The following WNT2 variants were observed in gnomAD, a reference collection of about 807,000 sequenced individuals.
The protein encoded by WNT2 is protein Wnt-2.
A neutral mutation model predicts 36.9 loss-of-function variants in WNT2; 12 were observed. The observed-to-expected ratio is 0.33, with a 90% confidence interval of 0.21 to 0.53. The LOEUF is 0.53. Ranked by LOEUF, WNT2 falls within the 20% of genes least tolerant of loss-of-function variation. WNT2 has a pLI of 0.95. For missense variants in WNT2, 379 were observed against 473.1 expected (o/e 0.80, Z 1.84); for synonymous variants, 163 against 174.6 (o/e 0.93, Z 0.52).
chr7:117,293,563 T>G (rs1443550142), intron 4 of WNT2, among the ~76,000 whole-genome samples: 3 of 152,214 alleles, frequency 2.0e-5, no homozygotes, highest in African/African-American at 7.2e-5. Flanking sequence ...TTAATGCTGA[T>G]TTTAAAAGAG....
chr7:117,303,313 G>C (rs140746593), intron 3 of WNT2, among the ~76,000 whole-genome samples: 1 of 152,312 alleles, frequency 6.6e-6, no homozygotes, highest in South Asian at 2.1e-4. Flanking sequence ...CGGGGAAATC[G>C]TTATTCAATT....
intron 4 of WNT2, among the ~76,000 whole-genome samples, chr7:117,293,196 A>G (rs553003631): frequency 1.4e-5 from 2 of 147,728 alleles, no homozygotes; most frequent in East Asian, 4.6e-4. Context: ...GTTTCTGAAG[A>G]GCCACTTCCT....
At chr7:117,288,833 A>G (rs1794633031) in intron 4 of WNT2, among the ~76,000 whole-genome samples, 2 of 152,044 alleles carry the variant, frequency 1.3e-5, no homozygotes, top group Admixed American at 1.3e-4. Context: ...CTAAGTTTGT[A>G]TTTTAAAAAT....
Position 117,278,179 on chromosome 7 carries a change from G to A in WNT2, c.1059C>T (p.Asn353=), listed in dbSNP as rs146785086. The change falls in exon 5 of 5, where the codon AAC becomes AAT. Residue 353 remains asparagine, a synonymous_variant. Transcript: ENST00000265441. ...GTCATGTAGCGGTTGTCCAGTCAGC[G>A]TTCTTGGGGGCCTTGCATGTGTGCA... ...LDVHTCKAPK[N]ADWTTAT 78 of 1,614,222 alleles carry A rather than the reference G, an allele frequency of 4.8e-5. 1 individual carries two copies. The East Asian group carries it at 1.3e-3, about 27-fold the overall frequency.
chr7:117,309,801 G>A (rs1188599365), intron 3 of WNT2, among the ~76,000 whole-genome samples: 2 of 152,110 alleles, frequency 1.3e-5, no homozygotes, highest in East Asian at 3.9e-4. Flanking sequence ...TAACTATCAT[G>A]TTGAAAATGT....
intron 4 of WNT2, among the ~76,000 whole-genome samples, chr7:117,283,853 T>C (rs1413671135): frequency 2.0e-5 from 3 of 152,158 alleles, no homozygotes; most frequent in Non-Finnish European, 2.9e-5. Context: ...CCAAACGGCA[T>C]AATGAGGGCC....
intron 2 of WNT2, among the ~76,000 whole-genome samples, chr7:117,318,147 A>G (rs573105732): frequency 7.5e-4 from 114 of 152,294 alleles, no homozygotes; most frequent in Non-Finnish European, 6.8e-4. Flanking sequence ...CATTTTGGTA[A>G]TTTTATGTTC....
intron 3 of WNT2, among the ~76,000 whole-genome samples, chr7:117,314,348 G>A (rs1024385416): frequency 5.9e-5 from 9 of 152,210 alleles, no homozygotes; most frequent in African/African-American, 1.2e-4. Flanking sequence ...CCTGGACTAC[G>A]TGTTGAAACC....
In WNT2 at chr7:117,322,895, G is replaced by T; in HGVS notation, c.83+12C>A. ...TCTCCAAAATCCCCCGCGCCCGTGC[G>T]CGTGGACTTACCACCATGAAGAGTT... On this transcript the variant is annotated intron_variant, in intron 1 of 4. Transcript: ENST00000265441. The surrounding 1 kb of genome is among the most constrained non-coding windows in gnomAD (Gnocchi z 5.4). 4 of 1,613,174 alleles carry T rather than the reference G, an allele frequency of 2.5e-6. No individual in the cohort carries two copies. Among genetic ancestry groups the T allele is most frequent in the South Asian group, 1.1e-5 (1 of 91,066 alleles).
chr7:117,277,292 T>G lies in WNT2; in HGVS notation c.*863A>C, dbSNP rs1286720510. On this transcript the variant is annotated 3_prime_UTR_variant, in exon 5 of 5. Transcript: ENST00000265441. The stretch of plus-strand genomic sequence containing the variant: ...GTACAGATATACTTCTGATATTCCA[T>G]CCACTAAATTATTTTCCACCATATT... 1.3e-5 allele frequency: 2 copies of G among 152,234 alleles called. No homozygotes were observed. Among genetic ancestry groups the G allele is most frequent in the Non-Finnish European group, 2.9e-5 (2 of 68,040 alleles). The allele number at this position is 152,234 out of a possible 1,614,324, so 9.4% of individuals were successfully genotyped here.
In WNT2 at chr7:117,276,281, C is replaced by A. The variant is rs1010395598; in HGVS notation, c.*1874G>T. On this transcript the variant is annotated 3_prime_UTR_variant, in exon 5 of 5. Transcript: ENST00000265441. ...AGGAAGGGCTGATGGCTGTGGGACC[C>A]CCATGAAAGTGCCTTCGCACTCTCA... Among the ~76,000 whole-genome samples, 1 of 152,216 alleles carries A rather than the reference C, an allele frequency of 6.6e-6. No homozygotes were observed. Among genetic ancestry groups the A allele is most frequent in the Non-Finnish European group, 1.5e-5 (1 of 68,040 alleles).
intron 3 of WNT2, among the ~76,000 whole-genome samples, chr7:117,308,036 A>G (rs781523365): frequency 1.5e-4 from 23 of 152,214 alleles, no homozygotes; most frequent in Non-Finnish European, 2.8e-4. Flanking sequence ...CATTAAAAAC[A>G]TATTATTTAA....
intron 3 of WNT2, among the ~76,000 whole-genome samples, chr7:117,298,657 G>A (rs1200406812): frequency 6.6e-6 from 1 of 152,172 alleles, no homozygotes; most frequent in Non-Finnish European, 1.5e-5. Flanking sequence ...GAGGAGAGGG[G>A]ACAGGTGGGC....
chr7:117,278,959 AG>A (rs1184249923), intron 4 of WNT2, among the ~76,000 whole-genome samples: 3 of 152,330 alleles, frequency 2.0e-5, no homozygotes, highest in Admixed American at 1.3e-4. Context: ...ACCCTGAGGA[AG>A]GAGAAAGGCC....
chr7:117,290,845 T>G (rs1794677046), intron 4 of WNT2, among the ~76,000 whole-genome samples: 1 of 152,210 alleles, frequency 6.6e-6, no homozygotes, highest in African/African-American at 2.4e-5. Flanking sequence ...TAAGAGTGTC[T>G]GGCACATAGG....
intron 4 of WNT2, among the ~76,000 whole-genome samples, chr7:117,295,427 C>T (rs1020982971): frequency 1.1e-4 from 16 of 152,014 alleles, no homozygotes; most frequent in African/African-American, 3.1e-4. Context: ...AAGCGGAGTA[C>T]GCAAGAATAA....
At chr7:117,315,005 A>C in intron 3 of WNT2, 66 bp downstream of exon 3, 4 of 1,563,460 alleles carry the variant, frequency 2.6e-6, no homozygotes, top group Non-Finnish European at 3.5e-6. Context: ...AGTTTAAGAT[A>C]AGCTCTGCCT....
At chr7:117,308,834 T>C (rs1162662927) in intron 3 of WNT2, among the ~76,000 whole-genome samples, 2 of 152,082 alleles carry the variant, frequency 1.3e-5, no homozygotes, top group African/African-American at 4.8e-5. Flanking sequence ...TTCTCTTAGG[T>C]CAGACCCATT....
intron 4 of WNT2, among the ~76,000 whole-genome samples, chr7:117,285,412 C>T (rs39305): frequency 0.011 from 1,746 of 152,316 alleles, 18 homozygotes; most frequent in South Asian, 0.025. Context: ...TAGGCAGAAC[C>T]TTCTGGTTCA....
Sources: gnomAD v4.1 joint callset for allele counts (sites outside exome capture counted in the v4.1 genomes callset) on GRCh38, gnomAD v4.1.1 for gene constraint, Gnocchi (gnomAD v3.1) non-coding constraint, MANE v1.5 for transcripts, NCBI Gene and HGNC (gene_info 2026-07-23, HGNC 2026-07-21) for gene names.